ZC3H12B: variants seen among roughly 807,000 people sequenced by gnomAD.
ZC3H12B encodes the protein probable ribonuclease ZC3H12B.
ZC3H12B carries 7 observed loss-of-function variants against 43.9 expected under a neutral mutation model. That is an observed-to-expected ratio of 0.16 (90% CI 0.09 to 0.30). The LOEUF is 0.30. ZC3H12B is among the 10% of genes least tolerant of loss of function. The probability of loss-of-function intolerance (pLI) is 1.00; values close to 1 mark genes in which losing one functional copy is unlikely to be tolerated. For missense variants in ZC3H12B, 475 were observed against 670.2 expected (o/e 0.71, Z 3.22); for synonymous variants, 222 against 241.7 (o/e 0.92, Z 0.76).
At chrX:65,345,505 G>A in the ZC3H12B span, among the ~76,000 whole-genome samples, 3 of 111,234 alleles carry the variant, frequency 2.7e-5, no homozygotes, top group Admixed American at 9.6e-5. Flanking sequence ...TAACACACGG[G>A]CAAATAGACG....
At chrX:65,461,895 T>C (rs1464141808) in intron 3 of ZC3H12B, among the ~76,000 whole-genome samples, 2 of 109,458 alleles carry the variant, frequency 1.8e-5, no homozygotes, top group Non-Finnish European at 3.8e-5. Flanking sequence ...TAATTCAGGA[T>C]TTTAAAAAAA....
chrX:65,225,595 C>A, the ZC3H12B span, among the ~76,000 whole-genome samples: 3 of 111,841 alleles, frequency 2.7e-5, no homozygotes, highest in Non-Finnish European at 5.6e-5. Flanking sequence ...GAAGGAAATT[C>A]AAACCAAAGG....
chrX:65,178,523 G>A, the ZC3H12B span, among the ~76,000 whole-genome samples: 2 of 112,128 alleles, frequency 1.8e-5, no homozygotes, highest in South Asian at 7.4e-4. Context: ...ATCTGACAAA[G>A]GGCTAATATC....
At chrX:65,248,150 C>T in the ZC3H12B span, among the ~76,000 whole-genome samples, 1 of 110,427 alleles carries the variant, frequency 9.1e-6, no homozygotes, top group Admixed American at 9.7e-5. Flanking sequence ...GATTCTCCTG[C>T]CTCAGCCTCC....
chrX:65,450,385 A>G (rs1056209323), intron 3 of ZC3H12B, among the ~76,000 whole-genome samples: 1 of 79,584 alleles, frequency 1.3e-5, no homozygotes, highest in East Asian at 3.7e-4. Flanking sequence ...ATATATTTAT[A>G]TGTGTATATA....
the ZC3H12B span, among the ~76,000 whole-genome samples, chrX:65,156,629 C>T: frequency 9.0e-6 from 1 of 111,141 alleles, no homozygotes; most frequent in Non-Finnish European, 1.9e-5. Flanking sequence ...AATCCACCTG[C>T]CTCGGCCTCC....
chrX:65,313,216 G>C, the ZC3H12B span, among the ~76,000 whole-genome samples: 1 of 111,706 alleles, frequency 9.0e-6, no homozygotes, highest in Non-Finnish European at 1.9e-5. Flanking sequence ...TTTGAGGGGG[G>C]CACAAACATT....
chrX:65,089,369 A>T, the ZC3H12B span, among the ~76,000 whole-genome samples: 1 of 111,851 alleles, frequency 8.9e-6, no homozygotes. Flanking sequence ...TTGTGTATCT[A>T]AACATAGAAA....
rs1347336014 is a variant in ZC3H12B at position 65,499,870 on chromosome X, TA to T, written c.984-12del. 1 of 1,195,318 alleles carries T rather than the reference TA, an allele frequency of 8.4e-7. No individual in the cohort carries two copies. Among genetic ancestry groups the T allele is most frequent in the Admixed American group, 2.2e-5 (1 of 45,802 alleles). Reference sequence around the variant, plus strand: ...GAAAGGAAGACAGTCACCTCTTGCTTACTTGCTTTCAGATTTATGCCTCCAG... The same window carrying T: ...GAAAGGAAGACAGTCACCTCTTGCTTCTTGCTTTCAGATTTATGCCTCCAG... On this transcript the variant is annotated splice_polypyrimidine_tract_variant and intron_variant, in intron 3 of 4. Transcript: ENST00000338957.
At chrX:65,441,379 G>A (rs1268069930) in intron 3 of ZC3H12B, among the ~76,000 whole-genome samples, 1 of 112,068 alleles carries the variant, frequency 8.9e-6, no homozygotes, top group Non-Finnish European at 1.9e-5. Context: ...GTCTGCTCTT[G>A]TATCTACCAA....
the ZC3H12B span, among the ~76,000 whole-genome samples, chrX:65,158,719 C>G: frequency 9.0e-6 from 1 of 111,378 alleles, no homozygotes; most frequent in Non-Finnish European, 1.9e-5. Context: ...CCATTTTATG[C>G]ATTGCCTGTT....
intron 3 of ZC3H12B, among the ~76,000 whole-genome samples, chrX:65,456,931 C>T (rs1273946800): frequency 2.8e-5 from 3 of 105,358 alleles, no homozygotes; most frequent in Non-Finnish European, 5.9e-5. Context: ...AGCCCCTCTG[C>T]CTGGCTGCCC....
At chrX:65,153,188 C>T in the ZC3H12B span, among the ~76,000 whole-genome samples, 170 of 111,954 alleles carry the variant, frequency 1.5e-3, 2 homozygotes, top group African/African-American at 5.4e-3. Flanking sequence ...GACTTAATGT[C>T]TAAAACACCA....
the ZC3H12B span, among the ~76,000 whole-genome samples, chrX:65,256,089 G>C: frequency 8.9e-6 from 1 of 111,892 alleles, no homozygotes; most frequent in Non-Finnish European, 1.9e-5. Flanking sequence ...ATAATAGCAG[G>C]AGACTTCAAC....
At chrX:65,147,085 C>T in the ZC3H12B span, among the ~76,000 whole-genome samples, 1 of 112,104 alleles carries the variant, frequency 8.9e-6, no homozygotes, top group Admixed American at 9.5e-5. Flanking sequence ...TGTAAACTTT[C>T]CAATATTCCT....
At chrX:65,271,056 AG>A in the ZC3H12B span, 1 of 113,056 alleles carries the variant, frequency 8.8e-6, no homozygotes, top group Non-Finnish European at 1.9e-5. Context: ...AAGTAAAAAT[AG>A]AAAAGGTGAT....
At chrX:65,397,799 AG>A (rs1178318754) in intron 2 of ZC3H12B, among the ~76,000 whole-genome samples, 1 of 112,123 alleles carries the variant, frequency 8.9e-6, no homozygotes. Flanking sequence ...GATAAGAGAA[AG>A]AAATGAAGAA....
At chrX:65,462,191 T>C (rs191252162) in intron 3 of ZC3H12B, among the ~76,000 whole-genome samples, 1 of 110,786 alleles carries the variant, frequency 9.0e-6, no homozygotes, top group East Asian at 2.8e-4. Flanking sequence ...CTTCACCCTA[T>C]TATGCACTGG....
the ZC3H12B span, among the ~76,000 whole-genome samples, chrX:65,094,036 T>C: frequency 1.8e-5 from 2 of 110,286 alleles, no homozygotes; most frequent in Non-Finnish European, 3.8e-5. Context: ...CACCATTCCT[T>C]TGGTGCTGTT....
Sources: gnomAD v4.1 joint callset for allele counts (sites outside exome capture counted in the v4.1 genomes callset) on GRCh38, gnomAD v4.1.1 for gene constraint, MANE v1.5 for transcripts, NCBI Gene and HGNC (gene_info 2026-07-23, HGNC 2026-07-21) for gene names.